DOCK4: variants seen among roughly 807,000 people sequenced by gnomAD.
DOCK4 encodes the protein dedicator of cytokinesis protein 4.
In DOCK4, 97 loss-of-function variants were observed where a neutral mutation model predicts 268.1. That is an observed-to-expected ratio of 0.36 (90% CI 0.31 to 0.43). The LOEUF is 0.43. Among genes scored for constraint, DOCK4 ranks in the 20% least tolerant of loss-of-function variants. DOCK4 has a pLI of 1.00. For synonymous variants in DOCK4, 954 were observed against 887.2 expected, an observed-to-expected ratio of 1.08 and a Z score of -1.34; for missense variants, 2,145 against 2,455.7, an observed-to-expected ratio of 0.87 and a Z score of 2.67.
At chr7:111,741,258 T>C (rs779373976) in intron 46 of DOCK4, 44 bp from the exon 47 acceptor site, 3 of 1,608,976 alleles carry the variant, frequency 1.9e-6, no homozygotes, top group Non-Finnish European at 2.5e-6. Context: ...AGTCTCCAAA[T>C]TGTACTTTAT....
chr7:112,003,208 C>A (rs1271661162), intron 2 of DOCK4, among the ~76,000 whole-genome samples: 2 of 151,954 alleles, frequency 1.3e-5, no homozygotes, highest in Non-Finnish European at 2.9e-5. Context: ...TGGTGAGACT[C>A]TGTCTCTACA....
At chr7:112,080,576 T>A (rs1808490804) in intron 1 of DOCK4, among the ~76,000 whole-genome samples, 1 of 152,210 alleles carries the variant, frequency 6.6e-6, no homozygotes, top group African/African-American at 2.4e-5. Flanking sequence ...CCAGCTTAAG[T>A]TGCTCAAGAA....
At chr7:112,185,742 G>A (rs1819448040) in intron 1 of DOCK4, among the ~76,000 whole-genome samples, 1 of 152,188 alleles carries the variant, frequency 6.6e-6, no homozygotes, top group Non-Finnish European at 1.5e-5. Context: ...TAAAGGACAG[G>A]CAGGTCTCTA....
intron 1 of DOCK4, among the ~76,000 whole-genome samples, chr7:112,007,957 T>G (rs1281307634): frequency 6.6e-6 from 1 of 152,186 alleles, no homozygotes; most frequent in African/African-American, 2.4e-5. Flanking sequence ...ATACAAAAGT[T>G]TATTCATGTA....
At position 111,755,578 on chromosome 7, in the gene DOCK4, T is replaced by G. The variant is rs1031217763; in HGVS notation, c.4353A>C (p.Ser1451=). The change falls in exon 42 of 53, where the codon TCA becomes TCC. Residue 1451 remains serine (S), a synonymous_variant. Coordinates refer to ENST00000428084, the MANE Select transcript of DOCK4 (RefSeq NM_001363540.2). ...EFKSLWVERT[S]LYLVQSLPGI... ...CAGGCAAACTCTGCACCAAGTATAA[T>G]GACGTTCTCTCCACCCAGAGACTCT... 1.9e-6 allele frequency: 3 copies of G among 1,613,966 alleles called. No individual in the cohort carries two copies. The highest frequency in any genetic ancestry group is 1.1e-5 in the South Asian group (1 of 91,064).
intron 1 of DOCK4, among the ~76,000 whole-genome samples, chr7:112,118,807 C>G (rs1812429216): frequency 6.6e-6 from 1 of 152,112 alleles, no homozygotes; most frequent in South Asian, 2.1e-4. Flanking sequence ...CCAGCTCACC[C>G]CTGCCATGCT....
chr7:112,141,929 C>T (rs1814972286), intron 1 of DOCK4, among the ~76,000 whole-genome samples: 1 of 152,104 alleles, frequency 6.6e-6, no homozygotes, highest in Non-Finnish European at 1.5e-5. Context: ...CAAGAGAGGC[C>T]AGAAATCCAC....
chr7:111,943,139 A>T (rs747949335), intron 10 of DOCK4, among the ~76,000 whole-genome samples: 2 of 152,190 alleles, frequency 1.3e-5, no homozygotes, highest in Non-Finnish European at 2.9e-5. Flanking sequence ...CAATAATCCT[A>T]GAGAAGTATT....
intron 32 of DOCK4, among the ~76,000 whole-genome samples, chr7:111,784,750 G>T (rs1035357820): frequency 1.3e-5 from 2 of 152,122 alleles, no homozygotes; most frequent in Non-Finnish European, 2.9e-5. Flanking sequence ...AATTAACAGT[G>T]TACTTGGCAA....
intron 1 of DOCK4, among the ~76,000 whole-genome samples, chr7:112,005,979 A>G (rs1800828016): frequency 6.6e-6 from 1 of 152,128 alleles, no homozygotes; most frequent in Non-Finnish European, 1.5e-5. Context: ...CCTTCCAGGA[A>G]TCTTCCCTTT....
At chr7:111,784,540 G>GT in intron 32 of DOCK4, 1 of 447,466 alleles carries the variant, frequency 2.2e-6, no homozygotes, top group Non-Finnish European at 4.5e-6. Context: ...TCACTCAACA[G>GT]TTTCATTCAT....
chr7:111,753,617 A>C (rs1266548868), intron 42 of DOCK4, among the ~76,000 whole-genome samples: 2 of 152,328 alleles, frequency 1.3e-5, no homozygotes, highest in East Asian at 3.9e-4. Flanking sequence ...ACAAATGAAA[A>C]CATCTCTTGG....
At chr7:111,758,522 T>C (rs1388348830) in intron 41 of DOCK4, 102 bp downstream of exon 41, 4 of 1,314,924 alleles carry the variant, frequency 3.0e-6, no homozygotes, top group Non-Finnish European at 2.1e-6. Context: ...CTTCTGTTTC[T>C]GTCACTTGAC....
At chr7:112,093,677 T>C (rs1278583560) in intron 1 of DOCK4, among the ~76,000 whole-genome samples, 2 of 152,190 alleles carry the variant, frequency 1.3e-5, no homozygotes, top group African/African-American at 4.8e-5. Context: ...TACTGTGATA[T>C]ATCACCTCGA....
intron 28 of DOCK4, among the ~76,000 whole-genome samples, chr7:111,809,779 G>A (rs1057300151): frequency 6.6e-6 from 1 of 152,080 alleles, no homozygotes; most frequent in Non-Finnish European, 1.5e-5. Flanking sequence ...GGTATAAGAT[G>A]GATTTCTTTA....
intron 51 of DOCK4, 159 bp from the exon 52 acceptor site, chr7:111,732,446 C>T: frequency 1.5e-6 from 1 of 682,006 alleles, no homozygotes. Context: ...TAAATGATGC[C>T]TGTCTAGAAT....
At chr7:111,903,453 C>G (rs374848245) in intron 13 of DOCK4, among the ~76,000 whole-genome samples, 1 of 152,178 alleles carries the variant, frequency 6.6e-6, no homozygotes, top group African/African-American at 2.4e-5. Context: ...AGAAAAGCAA[C>G]ATATTTCAAC....
At chr7:111,907,839 C>A (rs1427902627) in intron 13 of DOCK4, among the ~76,000 whole-genome samples, 2 of 152,170 alleles carry the variant, frequency 1.3e-5, no homozygotes, top group Non-Finnish European at 2.9e-5. Flanking sequence ...AGCAATTCTA[C>A]TACCTCAGCC....
At chr7:111,983,844 A>ACACG (rs1554402960) in intron 7 of DOCK4, among the ~76,000 whole-genome samples, 20 of 138,992 alleles carry the variant, frequency 1.4e-4, no homozygotes, top group African/African-American at 8.6e-5. Context: ...GTACACACAC[A>ACACG]CGCGCGCGCG....
Sources: allele counts gnomAD v4.1 joint callset (sites outside exome capture counted in the v4.1 genomes callset), GRCh38; gene constraint gnomAD v4.1.1; transcripts MANE v1.5; gene names NCBI Gene and HGNC (gene_info 2026-07-23, HGNC 2026-07-21).